NEBL: variants seen among roughly 807,000 people sequenced by gnomAD.
The protein encoded by NEBL is nebulette, also known as LIM and SH3 protein 2.
In NEBL, 122 loss-of-function variants were observed where a neutral mutation model predicts 140.2. That is an observed-to-expected ratio of 0.87 (90% confidence interval 0.75 to 1.01). The LOEUF (loss-of-function observed/expected upper bound fraction) is 1.01. Ranked by LOEUF, NEBL falls within the 50% of genes least tolerant of loss-of-function variation. The probability of loss-of-function intolerance (pLI) is 0.00; values close to 1 mark genes in which losing one functional copy is unlikely to be tolerated. For synonymous variants in NEBL, 436 were observed against 398.9 expected (o/e 1.09, Z -1.11); for missense variants, 1,365 against 1,231.3 (o/e 1.11, Z -1.62).
At chr10:21,130,422 C>T (rs1839049180) in intron 2 of NEBL, among the ~76,000 whole-genome samples, 6 of 152,102 alleles carry the variant, frequency 3.9e-5, no homozygotes, top group Admixed American at 3.9e-4. Flanking sequence ...CATGTATAGA[C>T]TACTTTACCC....
In NEBL at chr10:21,126,225, A is replaced by G. The variant is rs531316368; in HGVS notation, c.164+46158T>C. ...AATAATAACAACTACATTGCTGGTTATGTTTCAGAACCAATCCATCTTCAA... is the reference window on the plus strand; with the variant it reads ...AATAATAACAACTACATTGCTGGTTGTGTTTCAGAACCAATCCATCTTCAA... On this transcript the variant is annotated intron_variant, in intron 2 of 6. Transcript: ENST00000417816. 2.5e-5 allele frequency: 29 copies of G among 1,168,700 alleles called. 1 individual carries two copies. The Middle Eastern group carries it at 6.0e-4, about 24-fold the overall frequency. 72.4% of individuals were successfully genotyped at this position (1,168,700 alleles called of 1,614,324 possible). A position where few individuals can be genotyped will look rare whatever the true frequency, so the allele number is the denominator to read the frequency against.
intron 4 of NEBL, among the ~76,000 whole-genome samples, chr10:20,955,337 T>C (rs1835745677): frequency 6.6e-6 from 1 of 152,206 alleles, no homozygotes; most frequent in Admixed American, 6.5e-5. Flanking sequence ...GTACAAATGA[T>C]AGTGTTATAG....
chr10:21,127,316 C>T (rs658096), intron 2 of NEBL, among the ~76,000 whole-genome samples: 1 of 151,908 alleles, frequency 6.6e-6, no homozygotes, highest in African/African-American at 2.4e-5. Flanking sequence ...ATTCCAACTA[C>T]TAAATGCAGA....
At chr10:20,936,905 A>G (rs564724343) in intron 4 of NEBL, among the ~76,000 whole-genome samples, 2 of 152,250 alleles carry the variant, frequency 1.3e-5, no homozygotes, top group East Asian at 3.8e-4. Flanking sequence ...ACTCTTAAAA[A>G]GAACAAAAGC....
chr10:20,852,353 A>T (rs1242324294), intron 10 of NEBL, among the ~76,000 whole-genome samples, 192 bp downstream of exon 10: 1 of 152,054 alleles, frequency 6.6e-6, no homozygotes, highest in Non-Finnish European at 1.5e-5. Context: ...ATATGGTTCA[A>T]GCTCCCCTGA....
intron 21 of NEBL, 122 bp from the exon 22 acceptor site, chr10:20,815,839 G>A: frequency 4.0e-6 from 3 of 741,010 alleles, no homozygotes; most frequent in Non-Finnish European, 7.1e-6. Context: ...TACAATCTTT[G>A]CTCACCACAG....
intron 2 of NEBL, among the ~76,000 whole-genome samples, chr10:21,082,475 A>G (rs1020177703): frequency 3.4e-5 from 5 of 149,206 alleles, no homozygotes; most frequent in Admixed American, 6.7e-5. Context: ...TCAGGAATAA[A>G]AATGTTCTTT....
At chr10:21,111,461 G>A (rs938184079) in intron 2 of NEBL, among the ~76,000 whole-genome samples, 2 of 152,024 alleles carry the variant, frequency 1.3e-5, no homozygotes, top group African/African-American at 4.8e-5. Context: ...TCTGATCTTT[G>A]ATAAACCTGA....
intron 19 of NEBL, among the ~76,000 whole-genome samples, chr10:20,821,976 T>C (rs1179193481): frequency 6.6e-6 from 1 of 152,202 alleles, no homozygotes; most frequent in East Asian, 1.9e-4. Context: ...AACTCCAACG[T>C]TACCCCTTCC....
At chr10:20,917,936 T>C (rs1380928922) in intron 4 of NEBL, among the ~76,000 whole-genome samples, 1 of 152,214 alleles carries the variant, frequency 6.6e-6, no homozygotes, top group African/African-American at 2.4e-5. Context: ...AATATGATCA[T>C]TGAGAAAATG....
At position 20,891,659 on chromosome 10, in the gene NEBL, C is replaced by G. The variant is rs146942028; in HGVS notation, c.154-1710G>C. On this transcript the variant is annotated intron_variant, in intron 2 of 27. Coordinates refer to ENST00000377122, the MANE Select transcript of NEBL (RefSeq NM_006393.3). The stretch of plus-strand genomic sequence containing the variant: ...CTTCTTCTGTTAGGCAGACAAATAG[C>G]TCAGTCTTAATTGTAGACTCTATTT... 6.0e-4 allele frequency among the ~76,000 whole-genome samples: 91 copies of G among 152,192 alleles called. 1 individual carries two copies. In the East Asian group the frequency reaches 0.011, roughly 18 times the overall value.
chr10:21,226,854 T>C (rs1050315568), intron 3 of NEBL, among the ~76,000 whole-genome samples: 5 of 152,126 alleles, frequency 3.3e-5, no homozygotes, highest in Non-Finnish European at 7.4e-5. Flanking sequence ...TCACCTGACT[T>C]TTAGGTCCTA....
rs33940640 is a variant in NEBL, at chr10:21,279,289, A to ATTT, written n.182+13538_182+13540dup. ...AAATAGCCATCTTTTTATTTTTTCA[A>ATTT]TTTTTTTTTTTTTTTTTTTTAGACA... On this transcript the variant is annotated intron_variant and non_coding_transcript_variant, in intron 1 of 8. Coordinates refer to the NEBL transcript ENST00000675702. Among the ~76,000 whole-genome samples, 320 of 131,810 alleles carry ATTT rather than the reference A, an allele frequency of 2.4e-3. 7 individuals are homozygous for ATTT. The highest frequency in any genetic ancestry group is 4.3e-3 in the South Asian group (17 of 3,986). 86.5% of individuals were successfully genotyped at this position (131,810 alleles called of 152,430 possible).
intron 3 of NEBL, among the ~76,000 whole-genome samples, chr10:21,207,765 C>T (rs1841850654): frequency 6.6e-6 from 1 of 152,140 alleles, no homozygotes; most frequent in Non-Finnish European, 1.5e-5. Flanking sequence ...GCCCTCTACC[C>T]ACAGACTAGC....
At chr10:21,138,523 T>G (rs1839463113) in intron 2 of NEBL, among the ~76,000 whole-genome samples, 2 of 152,102 alleles carry the variant, frequency 1.3e-5, no homozygotes, top group Non-Finnish European at 2.9e-5. Flanking sequence ...TTCAATAAAA[T>G]GTCATCGGGA....
chr10:21,291,916 T>G (rs945132190), intron 1 of NEBL, among the ~76,000 whole-genome samples: 8 of 151,910 alleles, frequency 5.3e-5, no homozygotes, highest in Admixed American at 2.6e-4. Flanking sequence ...AAAATAAAAA[T>G]AAAAAAGAAA....
At chr10:21,023,081 T>C (rs1292707413) in intron 2 of NEBL, among the ~76,000 whole-genome samples, 1 of 152,250 alleles carries the variant, frequency 6.6e-6, no homozygotes, top group Non-Finnish European at 1.5e-5. Context: ...TGAACTTTAC[T>C]GAACTTTAAA....
intron 3 of NEBL, among the ~76,000 whole-genome samples, chr10:21,001,631 T>A (rs1352116322): frequency 1.5e-5 from 2 of 136,646 alleles, no homozygotes; most frequent in Non-Finnish European, 3.1e-5. Context: ...TACTCACAAC[T>A]TTTTTTTTTT....
rs552321493 is a variant in NEBL at position 20,948,860 on chromosome 10, C to G, written c.357+12812G>C. ...CTGAGGGGATGTCCCAGTGGTTTGT[C>G]GTTAACACAGACTGGGCCAAGAACG... On this transcript the variant is annotated intron_variant, in intron 4 of 6. Coordinates refer to the NEBL transcript ENST00000417816. 4.5e-4 allele frequency among the ~76,000 whole-genome samples: 69 copies of G among 152,242 alleles called. 1 individual carries two copies. Among genetic ancestry groups the G allele is most frequent in the African/African-American group, 1.6e-3 (67 of 41,534 alleles).
Sources: allele counts gnomAD v4.1 joint callset (sites outside exome capture counted in the v4.1 genomes callset), GRCh38; gene constraint gnomAD v4.1.1; transcripts MANE v1.5; gene names NCBI Gene and HGNC (gene_info 2026-07-23, HGNC 2026-07-21).